The following KCNN2 variants were observed in gnomAD, a reference collection of about 807,000 sequenced individuals.
KCNN2 encodes potassium calcium-activated channel subfamily N member 2.
KCNN2 carries 24 observed loss-of-function variants against 55.5 expected under a neutral mutation model. That is an observed-to-expected ratio of 0.43 (90% CI 0.31 to 0.61). The LOEUF is 0.61. Among genes scored for constraint, KCNN2 ranks in the 20% least tolerant of loss-of-function variants. KCNN2 has a pLI of 0.08. For missense variants in KCNN2, 754 were observed against 853.6 expected, an observed-to-expected ratio of 0.88 and a Z score of 1.45; for synonymous variants, 431 against 336.1, an observed-to-expected ratio of 1.28 and a Z score of -3.09.
intron 2 of KCNN2, among the ~76,000 whole-genome samples, chr5:114,290,472 C>T (rs1598822): frequency 0.16 from 24,550 of 151,868 alleles, 3,514 homozygotes; most frequent in East Asian, 0.81. Flanking sequence ...TAGTTATTTG[C>T]ATCTTCCCTC....
At chr5:114,479,524 C>T (rs543608553) in intron 5 of KCNN2, among the ~76,000 whole-genome samples, 1 of 152,252 alleles carries the variant, frequency 6.6e-6, no homozygotes, top group South Asian at 2.1e-4. Flanking sequence ...CAGAGATATT[C>T]AGAACCTGAA....
At chr5:114,329,334 G>A (rs985287481) in intron 2 of KCNN2, among the ~76,000 whole-genome samples, 12 of 152,216 alleles carry the variant, frequency 7.9e-5, no homozygotes, top group African/African-American at 2.7e-4. Context: ...TCAGTGGACT[G>A]GGAGAGGCAG....
chr5:114,440,860 C>T (rs1207905446), intron 3 of KCNN2, among the ~76,000 whole-genome samples: 1 of 151,944 alleles, frequency 6.6e-6, no homozygotes, highest in African/African-American at 2.4e-5. Flanking sequence ...GAAATTTGAA[C>T]ACAATGTGAT....
chr5:114,064,292 G>C (rs2112514946), intron 1 of KCNN2, among the ~76,000 whole-genome samples: 1 of 152,302 alleles, frequency 6.6e-6, no homozygotes, highest in African/African-American at 2.4e-5. Flanking sequence ...GGGTCCTGCT[G>C]CTTTTGTGAC....
chr5:114,298,218 T>C (rs1370184703), intron 2 of KCNN2, among the ~76,000 whole-genome samples: 8 of 152,218 alleles, frequency 5.3e-5, no homozygotes, highest in Non-Finnish European at 1.2e-4. Context: ...AGACAAAAGA[T>C]GCCACTTACT....
intron 3 of KCNN2, among the ~76,000 whole-genome samples, chr5:114,432,818 C>G (rs1171365870): frequency 6.6e-6 from 1 of 152,204 alleles, no homozygotes; most frequent in Non-Finnish European, 1.5e-5. Context: ...AGGGGCTTAG[C>G]ACCTGGGCCA....
At chr5:114,269,646 G>C (rs969810459) in intron 2 of KCNN2, among the ~76,000 whole-genome samples, 1 of 152,072 alleles carries the variant, frequency 6.6e-6, no homozygotes, top group East Asian at 1.9e-4. Context: ...GTTCATTCAG[G>C]AGCCCCAGGT....
chr5:114,317,592 C>T (rs1241181795), intron 2 of KCNN2, among the ~76,000 whole-genome samples: 1 of 152,176 alleles, frequency 6.6e-6, no homozygotes, highest in Non-Finnish European at 1.5e-5. Context: ...CCCATTCCCT[C>T]CTCTGTTTTT....
chr5:114,296,664 C>T (rs1756018061), intron 2 of KCNN2, among the ~76,000 whole-genome samples: 1 of 152,130 alleles, frequency 6.6e-6, no homozygotes, highest in Admixed American at 6.6e-5. Context: ...GAGCATGGTG[C>T]AGAATGGATG....
intron 3 of KCNN2, among the ~76,000 whole-genome samples, chr5:114,415,287 A>G (rs1759270458): frequency 6.6e-6 from 1 of 152,200 alleles, no homozygotes; most frequent in African/African-American, 2.4e-5. Context: ...ACTTGTGCAC[A>G]CAATTCTCTG....
At chr5:114,106,140 G>A (rs972299534) in intron 1 of KCNN2, among the ~76,000 whole-genome samples, 25 of 151,294 alleles carry the variant, frequency 1.7e-4, no homozygotes, top group African/African-American at 5.1e-4. Flanking sequence ...CCAAAATCTG[G>A]TTTCTACCAT....
At chr5:114,419,170 A>G (rs571040790) in intron 3 of KCNN2, among the ~76,000 whole-genome samples, 1 of 152,384 alleles carries the variant, frequency 6.6e-6, no homozygotes, top group East Asian at 1.9e-4. Context: ...AGTGTGGTAC[A>G]CTAGTTAAAG....
chr5:114,096,271 A>T (rs1751253512), intron 1 of KCNN2, among the ~76,000 whole-genome samples: 1 of 152,190 alleles, frequency 6.6e-6, no homozygotes, highest in Non-Finnish European at 1.5e-5. Flanking sequence ...TGCTTAACAC[A>T]TAATATCAAG....
chr5:114,224,602 C>T (rs960788778), intron 2 of KCNN2, among the ~76,000 whole-genome samples: 16 of 152,180 alleles, frequency 1.1e-4, no homozygotes, highest in African/African-American at 3.9e-4. Context: ...CAGAATCCCG[C>T]TGGAGGTGTG....
rs148137854 is a variant in KCNN2, at chr5:114,355,912, A to G, written c.-184-5033A>G. 1.0e-3 allele frequency among the ~76,000 whole-genome samples: 154 copies of G among 152,294 alleles called. 1 individual carries two copies. Among genetic ancestry groups the G allele is most frequent in the African/African-American group, 3.5e-3 (146 of 41,572 alleles). On this transcript the variant is annotated intron_variant, in intron 2 of 10. Coordinates refer to the KCNN2 transcript ENST00000512097. ...AGGTACCTTGGACCTGCAGGCATATAGCACTGCTATTTCATCTACATTTGT... is the reference window on the plus strand; with the variant it reads ...AGGTACCTTGGACCTGCAGGCATATGGCACTGCTATTTCATCTACATTTGT...
intron 1 of KCNN2, among the ~76,000 whole-genome samples, chr5:114,156,408 G>C (rs1580567034): frequency 2.0e-5 from 3 of 152,002 alleles, no homozygotes. Flanking sequence ...GTTTTTCCTA[G>C]TTCTGTGAAG....
At chr5:114,147,690 T>C (rs570607059) in intron 1 of KCNN2, among the ~76,000 whole-genome samples, 19 of 152,268 alleles carry the variant, frequency 1.2e-4, no homozygotes, top group Middle Eastern at 3.4e-3. Flanking sequence ...AAGTAGCAAA[T>C]AGATGAGATA....
chr5:114,175,756 G>C (rs943497189), intron 1 of KCNN2, among the ~76,000 whole-genome samples: 2 of 152,134 alleles, frequency 1.3e-5, no homozygotes, highest in African/African-American at 4.8e-5. Context: ...TAATTCTTTT[G>C]TGACTTAATG....
intron 1 of KCNN2, among the ~76,000 whole-genome samples, chr5:114,160,354 C>T (rs1046169589): frequency 1.3e-5 from 2 of 152,188 alleles, no homozygotes; most frequent in Non-Finnish European, 2.9e-5. Context: ...TTTGATTGCA[C>T]TGTGGTCTGA....
Sources: allele counts gnomAD v4.1 joint callset (sites outside exome capture counted in the v4.1 genomes callset), GRCh38; gene constraint gnomAD v4.1.1; transcripts MANE v1.5; gene names NCBI Gene and HGNC (gene_info 2026-07-23, HGNC 2026-07-21).